The following PLCXD2 variants were observed in gnomAD, a reference collection of about 807,000 sequenced individuals.
The protein encoded by PLCXD2 is phosphatidylinositol specific phospholipase C X domain containing 2, also known as PI-PLC X domain-containing protein 2.
A neutral mutation model predicts 28.6 loss-of-function variants in PLCXD2; 21 were observed. That is an observed-to-expected ratio of 0.73 (90% CI 0.52 to 1.06). The LOEUF (loss-of-function observed/expected upper bound fraction) is 1.06. Among genes scored for constraint, PLCXD2 ranks in the 50% least tolerant of loss-of-function variants. The pLI, the probability that PLCXD2 is intolerant of heterozygous loss-of-function variation, is 0.00. For missense variants in PLCXD2, 369 were observed against 376.7 expected (o/e 0.98, Z 0.17); for synonymous variants, 140 against 150.1 (o/e 0.93, Z 0.49).
At chr3:111,682,555 T>C (rs1347395299) in intron 1 of PLCXD2, among the ~76,000 whole-genome samples, 1 of 152,226 alleles carries the variant, frequency 6.6e-6, no homozygotes, top group Non-Finnish European at 1.5e-5. Context: ...TTGTGCGCTA[T>C]AATGCAAATG....
chr3:111,715,964 G>C (rs183725837), intron 3 of PLCXD2, among the ~76,000 whole-genome samples: 45 of 152,202 alleles, frequency 3.0e-4, no homozygotes, highest in Non-Finnish European at 6.3e-4. Context: ...CTTTAATCTG[G>C]CTGCAAGTGA....
chr3:111,692,202 C>T (rs770211724), intron 1 of PLCXD2, among the ~76,000 whole-genome samples: 5 of 152,126 alleles, frequency 3.3e-5, no homozygotes, highest in African/African-American at 7.2e-5. Context: ...CCACCACGCC[C>T]GGCTAATTTC....
chr3:111,688,113 C>T (rs1304586403), intron 1 of PLCXD2, among the ~76,000 whole-genome samples: 1 of 152,128 alleles, frequency 6.6e-6, no homozygotes, highest in Non-Finnish European at 1.5e-5. Flanking sequence ...AAGCTTTACC[C>T]CTCTGTCTGT....
At position 111,677,920 on chromosome 3, in the gene PLCXD2, G is replaced by A. The variant is rs115810877; in HGVS notation, c.163+2512G>A. ...ATACATATTATATATACATATGCCT[G>A]TTTAGAATTGAAACCCAGTAAGTTT... On this transcript the variant is annotated intron_variant, in intron 1 of 4. Transcript: ENST00000477665. Among the ~76,000 whole-genome samples the A allele has an allele frequency of 8.4e-3, 1,276 of 152,290 alleles. 21 individuals are homozygous for A. Among genetic ancestry groups the A allele is most frequent in the African/African-American group, 0.029 (1,196 of 41,556 alleles).
chr3:111,720,804 G>A (rs369175032), intron 3 of PLCXD2: 3 of 416,692 alleles, frequency 7.2e-6, no homozygotes, highest in Non-Finnish European at 1.3e-5. Flanking sequence ...CTGACTTCGT[G>A]GACCTGGTGG....
chr3:111,688,365 G>A (rs887767800), intron 1 of PLCXD2, among the ~76,000 whole-genome samples: 1 of 152,206 alleles, frequency 6.6e-6, no homozygotes, highest in African/African-American at 2.4e-5. Flanking sequence ...TAAAGGAAGA[G>A]GTGCATGGAG....
intron 3 of PLCXD2, 53 bp downstream of exon 3, chr3:111,714,181 T>A: frequency 6.4e-7 from 1 of 1,574,554 alleles, no homozygotes; most frequent in East Asian, 2.3e-5. Flanking sequence ...ATATTTATCT[T>A]GATTCTATTC....
intron 1 of PLCXD2, among the ~76,000 whole-genome samples, chr3:111,707,435 G>C (rs1941136688): frequency 6.6e-6 from 1 of 152,162 alleles, no homozygotes; most frequent in African/African-American, 2.4e-5. Context: ...CTGTTTCAAT[G>C]ATGGCATGAA....
chr3:111,697,778 A>G (rs985284189), intron 1 of PLCXD2, among the ~76,000 whole-genome samples: 3 of 152,186 alleles, frequency 2.0e-5, no homozygotes, highest in African/African-American at 4.8e-5. Flanking sequence ...TATGTTGTTA[A>G]AAATAAAAAG....
chr3:111,682,578 G>T, intron 1 of PLCXD2, among the ~76,000 whole-genome samples: 1 of 152,182 alleles, frequency 6.6e-6, no homozygotes, highest in East Asian at 1.9e-4. Context: ...TTGGAGTGTG[G>T]CAGCAGTCTG....
At chr3:111,685,772 G>A (rs888456933) in intron 1 of PLCXD2, among the ~76,000 whole-genome samples, 1 of 152,210 alleles carries the variant, frequency 6.6e-6, no homozygotes, top group African/African-American at 2.4e-5. Flanking sequence ...ATGCATGGTA[G>A]CAGAATAGAA....
chr3:111,693,784 G>A (rs1576456696), intron 1 of PLCXD2, among the ~76,000 whole-genome samples: 3 of 152,272 alleles, frequency 2.0e-5, no homozygotes, highest in African/African-American at 7.2e-5. Flanking sequence ...CAGAGAGAAA[G>A]CTTTCTCTTG....
chr3:111,691,178 A>C (rs1276326794), intron 1 of PLCXD2, among the ~76,000 whole-genome samples: 1 of 152,268 alleles, frequency 6.6e-6, no homozygotes, highest in Non-Finnish European at 1.5e-5. Context: ...TTAAATTTAC[A>C]GGCATATTTT....
chr3:111,716,652 T>C (rs755578154), intron 3 of PLCXD2, among the ~76,000 whole-genome samples: 7 of 152,078 alleles, frequency 4.6e-5, no homozygotes, highest in Non-Finnish European at 8.8e-5. Context: ...TGGACTGAAA[T>C]CAGAAGGCCT....
chr3:111,686,504 TAAAC>T (rs1940797372), intron 1 of PLCXD2, among the ~76,000 whole-genome samples: 2 of 152,174 alleles, frequency 1.3e-5, no homozygotes, highest in Non-Finnish European at 2.9e-5. Context: ...TCATGGAAAA[TAAAC>T]AAGTATGATA....
intron 1 of PLCXD2, among the ~76,000 whole-genome samples, chr3:111,702,906 T>C (rs1286675215): frequency 1.3e-5 from 2 of 152,246 alleles, no homozygotes; most frequent in South Asian, 4.1e-4. Flanking sequence ...ATTTTCTATT[T>C]GTAAGTACTA....
At chr3:111,683,447 T>C (rs186784871) in intron 1 of PLCXD2, among the ~76,000 whole-genome samples, 6 of 152,034 alleles carry the variant, frequency 3.9e-5, no homozygotes, top group Non-Finnish European at 8.8e-5. Flanking sequence ...ATTCAAAGAG[T>C]TGGTCAGAAA....
rs149613176 is a variant in PLCXD2 at position 111,682,091 on chromosome 3, G to A, written c.163+6683G>A. ...AACACGCATCAAGAACCAAATTTAG[G>A]TGGAGGAGATCTGTGACTAAATTTA... On this transcript the variant is annotated intron_variant, in intron 1 of 4. Transcript: ENST00000477665. 3.2e-3 allele frequency among the ~76,000 whole-genome samples: 485 copies of A among 152,334 alleles called. 3 individuals carry two copies. Among genetic ancestry groups the A allele is most frequent in the African/African-American group, 0.01 (430 of 41,580 alleles).
chr3:111,717,638 A>G (rs1433711678), intron 3 of PLCXD2, among the ~76,000 whole-genome samples: 3 of 152,204 alleles, frequency 2.0e-5, no homozygotes, highest in Non-Finnish European at 4.4e-5. Flanking sequence ...CTCAGGCTCC[A>G]GGGATCCTCC....
Sources: allele counts gnomAD v4.1 joint callset (sites outside exome capture counted in the v4.1 genomes callset), GRCh38; gene constraint gnomAD v4.1.1; transcripts MANE v1.5; gene names NCBI Gene and HGNC (gene_info 2026-07-23, HGNC 2026-07-21).